Variants in ADGRB1 observed in about 807,000 individuals in gnomAD.
The protein encoded by ADGRB1 is brain-specific angiogenesis inhibitor 1.
In ADGRB1, 36 loss-of-function variants were observed where a neutral mutation model predicts 175.7. That is an observed-to-expected ratio of 0.20 (90% CI 0.16 to 0.27). ADGRB1 has a LOEUF of 0.27. Ranked by LOEUF, ADGRB1 falls within the 10% of genes least tolerant of loss-of-function variation. ADGRB1 has a pLI of 1.00. For synonymous variants in ADGRB1, 1,054 were observed against 979.4 expected, an observed-to-expected ratio of 1.08 and a Z score of -1.42; for missense variants, 1,731 against 2,255.3, an observed-to-expected ratio of 0.77 and a Z score of 4.71.
chr8:142,536,222 C>G (rs761871194), intron 25 of ADGRB1, among the ~76,000 whole-genome samples: 29 of 130,548 alleles, frequency 2.2e-4, no homozygotes, highest in Non-Finnish European at 3.4e-4. Flanking sequence ...CCCACCACCC[C>G]CAAGGATTCC....
Position 142,464,851 on chromosome 8 carries a change from G to A in ADGRB1, c.653G>A (p.Gly218Asp). 6.6e-7 allele frequency: 1 copy of A among 1,522,384 alleles called. No individual in the cohort carries two copies. The highest frequency in any genetic ancestry group is 8.8e-7 in the Non-Finnish European group (1 of 1,140,700). 94.3% of individuals were successfully genotyped at this position (1,522,384 alleles called of 1,614,324 possible). A position where few individuals can be genotyped will look rare whatever the true frequency, so the allele number is the denominator to read the frequency against. Residue 218 changes from glycine to aspartate, a missense_variant, in exon 2 of 31, where the codon GGC (glycine) becomes GAC (aspartate). Physicochemically the swap from Gly to Asp is moderately conservative, Grantham distance 94 (BLOSUM62 -1). Transcript: ENST00000517894. ...IMQTPCACLG[G>D]EAGGPAAGPL... The stretch of plus-strand genomic sequence containing the variant: ...CAGACCCCCTGCGCCTGCCTGGGCG[G>A]CGAGGCGGGCGGCCCTGCCGCGGGA...
chr8:142,490,863 G>C (rs147848916), intron 17 of ADGRB1, 48 bp downstream of exon 17: 2 of 1,550,164 alleles, frequency 1.3e-6, no homozygotes, highest in East Asian at 4.8e-5. Flanking sequence ...GGTGGGGTTC[G>C]TGGGAGGCTG....
chr8:142,455,853 G>A lies in ADGRB1; in HGVS notation c.-220+5749G>A, dbSNP rs1471081747. Among the ~76,000 whole-genome samples, 5 of 152,176 alleles carry A rather than the reference G, an allele frequency of 3.3e-5. No homozygotes were observed. Among genetic ancestry groups the A allele is most frequent in the Non-Finnish European group, 7.3e-5 (5 of 68,032 alleles). ...CGACCACCGGGCCCTGGGGGCACACGGTTGGTCTTTGGGCCAGCACCTCTC... is the reference window on the plus strand; with the variant it reads ...CGACCACCGGGCCCTGGGGGCACACAGTTGGTCTTTGGGCCAGCACCTCTC... On this transcript the variant is annotated intron_variant, in intron 1 of 30. Coordinates refer to ENST00000517894, the MANE Select transcript of ADGRB1 (RefSeq NM_001702.3). This position sits in a 1 kb window ranked among gnomAD's most constrained non-coding sequence, Gnocchi z 4.9.
chr8:142,478,818 G>T (rs1267362447), intron 7 of ADGRB1, among the ~76,000 whole-genome samples: 12 of 147,086 alleles, frequency 8.2e-5, no homozygotes, highest in Admixed American at 8.1e-4. Context: ...GTGCACAGTG[G>T]GACTTGGGGT....
chr8:142,519,566 AGTGATGGTGGTGGTGGTG>A (rs1843641476), intron 19 of ADGRB1, among the ~76,000 whole-genome samples: 4 of 113,342 alleles, frequency 3.5e-5, no homozygotes, highest in Admixed American at 3.2e-4. Context: ...TTGTGGTGAT[AGTGATGGTGGTGGTGGTG>A]GTGATTGTGG....
rs888605073 is a variant in ADGRB1 at position 142,450,328 on chromosome 8, C to G, written c.-220+224C>G. ...GTGGCGATGGAATGTGGCAGGTCCC[C>G]GCGAGCCCGCATTGGGCAGGCTGAG... is the stretch of plus-strand genomic sequence containing the variant. On this transcript the variant is annotated intron_variant, in intron 1 of 30. Coordinates refer to ENST00000517894, the MANE Select transcript of ADGRB1 (RefSeq NM_001702.3). Among the ~76,000 whole-genome samples the G allele has an allele frequency of 3.0e-4, 46 of 152,126 alleles. No homozygotes were observed. The East Asian group carries it at 3.1e-3, about 10-fold the overall frequency.
chr8:142,501,129 T>C (rs1266942844), intron 17 of ADGRB1, among the ~76,000 whole-genome samples: 1 of 152,140 alleles, frequency 6.6e-6, no homozygotes, highest in South Asian at 2.1e-4. Context: ...GAGACGAGAA[T>C]GATGATGTGC....
chr8:142,472,244 G>A (rs1042114552), intron 2 of ADGRB1, among the ~76,000 whole-genome samples: 3 of 152,176 alleles, frequency 2.0e-5, no homozygotes, highest in Non-Finnish European at 2.9e-5. Flanking sequence ...TCCAGTCTGG[G>A]GCGCCAGGGT....
intron 7 of ADGRB1, among the ~76,000 whole-genome samples, 153 bp downstream of exon 7, chr8:142,478,513 G>A (rs376011119): frequency 6.6e-5 from 10 of 151,626 alleles, no homozygotes; most frequent in African/African-American, 2.2e-4. Flanking sequence ...GGTGGCTGTG[G>A]GGGAAACGGA....
chr8:142,522,225 C>T (rs1371004835), intron 21 of ADGRB1, 110 bp downstream of exon 21: 42 of 1,435,420 alleles, frequency 2.9e-5, no homozygotes, highest in Non-Finnish European at 3.9e-5. Flanking sequence ...CCTGGGGCCT[C>T]AGTTGCTGCT....
chr8:142,524,192 C>T (rs780795123), intron 22 of ADGRB1, 46 bp from the exon 23 acceptor site: 18 of 1,569,216 alleles, frequency 1.1e-5, no homozygotes, highest in East Asian at 2.3e-5. Flanking sequence ...CCTCTCTGCA[C>T]GCCCCTCTGC....
At chr8:142,516,269 CGGGCCCCAGTTGCGTGTGTGT>C (rs1843419307) in intron 18 of ADGRB1, among the ~76,000 whole-genome samples, 1 of 115,372 alleles carries the variant, frequency 8.7e-6, no homozygotes, top group Non-Finnish European at 1.7e-5. Context: ...TGCGTCTGTG[CGGGCCCCAGTTGCGTGTGTGT>C]GGGCCCCAGG....
intron 18 of ADGRB1, among the ~76,000 whole-genome samples, chr8:142,516,338 T>C (rs1242171802): frequency 3.7e-5 from 5 of 135,652 alleles, no homozygotes; most frequent in Non-Finnish European, 6.2e-5. Context: ...CATGCGTGTG[T>C]GCGGGCCCCA....
chr8:142,528,503 A>G (rs113634225), intron 24 of ADGRB1, among the ~76,000 whole-genome samples: 1 of 152,154 alleles, frequency 6.6e-6, no homozygotes. Context: ...TTCCGAGAGC[A>G]GGGCGCTTGC....
Position 142,455,351 on chromosome 8 carries a change from C to A in ADGRB1, c.-220+5247C>A, listed in dbSNP as rs900434055. Among the ~76,000 whole-genome samples, 1 of 152,056 alleles carries A rather than the reference C, an allele frequency of 6.6e-6. No individual in the cohort carries two copies. Among genetic ancestry groups the A allele is most frequent in the African/African-American group, 2.4e-5 (1 of 41,386 alleles). ...TAGGCTCCTGTCCCCTTCACTCGCC[C>A]CCATGGCTGTCCTCCTGCTTGTGGC... On this transcript the variant is annotated intron_variant, in intron 1 of 30. Coordinates refer to ENST00000517894, the MANE Select transcript of ADGRB1 (RefSeq NM_001702.3). This position sits in a 1 kb window ranked among gnomAD's most constrained non-coding sequence, Gnocchi z 4.9.
At position 142,542,708 on chromosome 8, in the gene ADGRB1, T is replaced by C. The variant is rs1331093019; in HGVS notation, c.4413+61T>C. On this transcript the variant is annotated intron_variant, in intron 28 of 30. Transcript: ENST00000517894. This position sits in a 1 kb window ranked among gnomAD's most constrained non-coding sequence, Gnocchi z 6.3. ...CGAGGGCAGGGCTGCAGCAGCTGGG[T>C]CACCCCTGCTGGGTGGGACCCCCAC... 2.1e-6 allele frequency: 3 copies of C among 1,429,996 alleles called. No individual in the cohort carries two copies. The highest frequency in any genetic ancestry group is 2.8e-6 in the Non-Finnish European group (3 of 1,064,876). The allele number at this position is 1,429,996 out of a possible 1,614,324, so 88.6% of individuals were successfully genotyped here.
chr8:142,465,856 T>C lies in ADGRB1; in HGVS notation c.784+874T>C, dbSNP rs1840248347. The stretch of plus-strand genomic sequence containing the variant: ...GGCAAGTGGCGAGTCCTGGGTGGCT[T>C]TGTGCCCGGAGAGCACAGAGGGGCA... On this transcript the variant is annotated intron_variant, in intron 2 of 30. Transcript: ENST00000517894. Among the ~76,000 whole-genome samples the C allele has an allele frequency of 2.6e-5, 4 of 152,106 alleles. No homozygotes were observed. In the South Asian group the frequency reaches 8.3e-4, roughly 32 times the overall value.
At chr8:142,536,697 G>C (rs557941819) in intron 25 of ADGRB1, among the ~76,000 whole-genome samples, 2 of 151,984 alleles carry the variant, frequency 1.3e-5, no homozygotes, top group Admixed American at 6.5e-5. Flanking sequence ...TCTCGCAGGC[G>C]GACTCTGGCC....
chr8:142,510,850 G>A lies in ADGRB1; in HGVS notation c.2676-82G>A, dbSNP rs1460117920. 11 of 781,478 alleles carry A rather than the reference G, an allele frequency of 1.4e-5. No homozygotes were observed. Among genetic ancestry groups the A allele is most frequent in the Non-Finnish European group, 1.6e-5 (10 of 645,040 alleles). The allele number at this position is 781,478 out of a possible 1,614,324, so 48.4% of individuals were successfully genotyped here. ...GGGGCCGGGGCCGGGGCGCGGAGCCGCCGCTCGGGGGCCGGGGCGCCCGCG... is the reference window on the plus strand; with the variant it reads ...GGGGCCGGGGCCGGGGCGCGGAGCCACCGCTCGGGGGCCGGGGCGCCCGCG... On this transcript the variant is annotated intron_variant, in intron 17 of 30. Coordinates refer to ENST00000517894, the MANE Select transcript of ADGRB1 (RefSeq NM_001702.3). This position sits in a 1 kb window ranked among gnomAD's most constrained non-coding sequence, Gnocchi z 6.3.
Sources: allele counts gnomAD v4.1 joint callset (sites outside exome capture counted in the v4.1 genomes callset), GRCh38; gene constraint gnomAD v4.1.1; non-coding constraint Gnocchi (gnomAD v3.1); transcripts MANE v1.5; gene names NCBI Gene and HGNC (gene_info 2026-07-23, HGNC 2026-07-21).